TMEM245: variants seen among roughly 807,000 people sequenced by gnomAD.
TMEM245 encodes protein CG-2.
Under a neutral mutation model 101.2 loss-of-function variants are expected in TMEM245, and 69 were observed. The ratio of observed to expected loss-of-function variants is 0.68; its 90% confidence interval spans 0.56 to 0.83. The LOEUF (loss-of-function observed/expected upper bound fraction) is 0.83. Among genes scored for constraint, TMEM245 ranks in the 40% least tolerant of loss-of-function variants. The pLI is 0.00. For missense variants in TMEM245, 1,075 were observed against 1,092.8 expected (o/e 0.98, Z 0.23); for synonymous variants, 537 against 449.8 (o/e 1.19, Z -2.45).
In TMEM245 at chr9:109,091,153, C is replaced by A. The variant is rs1829995251; in HGVS notation, c.919G>T (p.Ala307Ser). The A allele has an allele frequency of 5.0e-6, 8 of 1,612,578 alleles. No homozygotes were observed. Among genetic ancestry groups the A allele is most frequent in the Non-Finnish European group, 6.8e-6 (8 of 1,179,130 alleles). The change falls in exon 5 of 18, where the codon GCA becomes TCA. Residue 307 changes from alanine to serine, a missense_variant and splice_region_variant. Coordinates refer to ENST00000374586, the MANE Select transcript of TMEM245 (RefSeq NM_032012.4). Reference protein sequence around the residue: ...EDQPSTQPAEAVDRGESAPTL... With the variant: ...EDQPSTQPAESVDRGESAPTL... ...GGAGCGGATTCTCCCCTGTCCACTGCTTCTGAAAAGGAAAAGAAAAACACC... is the reference window on the plus strand; with the variant it reads ...GGAGCGGATTCTCCCCTGTCCACTGATTCTGAAAAGGAAAAGAAAAACACC...
chr9:109,025,804 G>A (rs1315526485), intron 17 of TMEM245, among the ~76,000 whole-genome samples: 1 of 152,226 alleles, frequency 6.6e-6, no homozygotes, highest in African/African-American at 2.4e-5. Context: ...CAGAGGAAGT[G>A]AAAGGTTCTG....
At chr9:109,030,878 A>T (rs1050747883) in intron 17 of TMEM245, among the ~76,000 whole-genome samples, 3 of 152,246 alleles carry the variant, frequency 2.0e-5, no homozygotes, top group African/African-American at 7.2e-5. Context: ...ACAAAATATA[A>T]CACTAAAAAC....
chr9:109,057,154 T>G, intron 12 of TMEM245, 37 bp downstream of exon 12: 1 of 1,597,166 alleles, frequency 6.3e-7, no homozygotes, highest in Non-Finnish European at 8.6e-7. Flanking sequence ...TTGTTTTTAT[T>G]TTGAACTTCA....
intron 14 of TMEM245, among the ~76,000 whole-genome samples, chr9:109,049,366 AC>A (rs1252372392): frequency 6.6e-6 from 1 of 151,974 alleles, no homozygotes; most frequent in Non-Finnish European, 1.5e-5. Context: ...CTTTCACACC[AC>A]CATGCCTGGC....
chr9:109,104,907 T>G (rs1036823224), intron 3 of TMEM245, among the ~76,000 whole-genome samples: 1 of 152,120 alleles, frequency 6.6e-6, no homozygotes, highest in African/African-American at 2.4e-5. Flanking sequence ...AATATAAAAT[T>G]CTTAAAAGGA....
chr9:109,091,255 A>C, intron 4 of TMEM245, 100 bp from the exon 5 acceptor site: 2 of 985,394 alleles, frequency 2.0e-6, no homozygotes, highest in Non-Finnish European at 3.0e-6. Context: ...GGCCTTCAAA[A>C]TGTGCTGATA....
chr9:109,096,038 G>C (rs1295600858), intron 3 of TMEM245, among the ~76,000 whole-genome samples: 1 of 152,218 alleles, frequency 6.6e-6, no homozygotes, highest in African/African-American at 2.4e-5. Flanking sequence ...AGTCAAAGCG[G>C]ACCACACTTG....
At position 109,016,470 on chromosome 9, in the gene TMEM245, T is replaced by A. The variant is rs1054643802; in HGVS notation, c.*3990A>T. 1.3e-5 allele frequency: 2 copies of A among 152,214 alleles called. No individual in the cohort carries two copies. The highest frequency in any genetic ancestry group is 4.8e-5 in the African/African-American group (2 of 41,458). The allele number at this position is 152,214 out of a possible 1,614,324, so 9.4% of individuals were successfully genotyped here. On this transcript the variant is annotated 3_prime_UTR_variant, in exon 18 of 18. Coordinates refer to ENST00000374586, the MANE Select transcript of TMEM245 (RefSeq NM_032012.4). The stretch of plus-strand genomic sequence containing the variant: ...TCTGAATTCTGTTACTAACTGGCTG[T>A]ATGTGTATGTCAGACAAGCCACTTA...
At chr9:109,051,923 AC>A (rs1273286484) in intron 12 of TMEM245, among the ~76,000 whole-genome samples, 1 of 152,230 alleles carries the variant, frequency 6.6e-6, no homozygotes, top group African/African-American at 2.4e-5. Flanking sequence ...ACAGACAGGG[AC>A]AAGAGCAGTG....
At chr9:109,103,266 A>G (rs1167038617) in intron 3 of TMEM245, among the ~76,000 whole-genome samples, 1 of 152,242 alleles carries the variant, frequency 6.6e-6, no homozygotes, top group African/African-American at 2.4e-5. Context: ...GCTGCAGGAC[A>G]CAAGATCAAC....
intron 8 of TMEM245, among the ~76,000 whole-genome samples, chr9:109,077,885 G>C (rs1323931356): frequency 6.6e-6 from 1 of 152,088 alleles, no homozygotes; most frequent in African/African-American, 2.4e-5. Flanking sequence ...TATGCTTTTT[G>C]ACTGTTTAGT....
rs1198033449 is a variant in TMEM245, at chr9:109,015,485, G to C, written c.*4975C>G. 1.3e-5 allele frequency: 2 copies of C among 152,432 alleles called. No homozygotes were observed. The highest frequency in any genetic ancestry group is 4.8e-5 in the African/African-American group (2 of 41,438). 9.4% of individuals were successfully genotyped at this position (152,432 alleles called of 1,614,324 possible). ...GGGTTTTCTTTGGGATGGCTACAATGAGAGTTACATCTGCTGGGTCTCTGC... is the reference window on the plus strand; with the variant it reads ...GGGTTTTCTTTGGGATGGCTACAATCAGAGTTACATCTGCTGGGTCTCTGC... On this transcript the variant is annotated 3_prime_UTR_variant, in exon 18 of 18. Transcript: ENST00000374586.
Position 109,036,201 on chromosome 9 carries a change from C to T in TMEM245, c.2399+5G>A. 6.3e-7 allele frequency: 1 copy of T among 1,576,950 alleles called. No individual in the cohort carries two copies. Among genetic ancestry groups the T allele is most frequent in the South Asian group, 1.2e-5 (1 of 84,702 alleles). On this transcript the variant is annotated splice_donor_5th_base_variant and intron_variant, in intron 16 of 17. Coordinates refer to ENST00000374586, the MANE Select transcript of TMEM245 (RefSeq NM_032012.4). ...CACTAATAAGAAATTCTGTGGCTTA[C>T]TTACCCTGATATGTCAGAGTAGATT... is the stretch of plus-strand genomic sequence containing the variant.
chr9:109,086,530 C>T (rs1308008242), intron 6 of TMEM245, among the ~76,000 whole-genome samples: 2 of 152,186 alleles, frequency 1.3e-5, no homozygotes, highest in East Asian at 3.8e-4. Flanking sequence ...TCACTGTGTA[C>T]CAGGCAATAA....
intron 14 of TMEM245, among the ~76,000 whole-genome samples, chr9:109,040,726 A>T (rs187421765): frequency 1.0e-3 from 155 of 152,326 alleles, no homozygotes; most frequent in Admixed American, 1.6e-3. Flanking sequence ...TTCACCTAGC[A>T]TAATGCTTTT....
rs772603515 is a variant in TMEM245 at position 109,119,471 on chromosome 9, A to AGGC, written c.440_442dup (p.Arg147dup). ...GCCGCCGGCGCCGAGCAGCAGGAGCAGGCGGCGGCGGCGCAGCGCCTGCTC... is the reference window on the plus strand; with the variant it reads ...GCCGCCGGCGCCGAGCAGCAGGAGCAGGCGGCGGCGGCGGCGCAGCGCCTGCTC... On this transcript the variant is annotated inframe_insertion, in exon 1 of 18. Transcript: ENST00000374586. The AGGC allele has an allele frequency of 3.6e-5, 53 of 1,490,034 alleles. No homozygotes were observed. Among genetic ancestry groups the AGGC allele is most frequent in the East Asian group, 1.1e-4 (4 of 37,326 alleles). The allele number at this position is 1,490,034 out of a possible 1,614,324, so 92.3% of individuals were successfully genotyped here.
In TMEM245 at chr9:109,060,123, C is replaced by T. The variant is rs115488897; in HGVS notation, c.1722+231G>A. 5.6e-3 allele frequency among the ~76,000 whole-genome samples: 857 copies of T among 152,224 alleles called. 13 individuals are homozygous for T. The highest frequency in any genetic ancestry group is 0.02 in the African/African-American group (817 of 41,532). ...GAGCTAGTCTAGGGGATGAGATGTC[C>T]GTGACAACAGACTGAGGATGGAATA... is the stretch of plus-strand genomic sequence containing the variant. On this transcript the variant is annotated intron_variant, in intron 11 of 17. Coordinates refer to ENST00000374586, the MANE Select transcript of TMEM245 (RefSeq NM_032012.4).
Position 109,108,437 on chromosome 9 carries a change from AAAAGAAG to A in TMEM245, c.697+9_697+15del. On this transcript the variant is annotated intron_variant, in intron 2 of 17. Coordinates refer to ENST00000374586, the MANE Select transcript of TMEM245 (RefSeq NM_032012.4). ...GCTAGACTTAAAAAAAAAAAAAAAA[AAAAGAAG>A]GAACCCACCTAAATGAAAAAGCAAT... The A allele has an allele frequency of 6.9e-7, 1 of 1,452,046 alleles. No homozygotes were observed. Among genetic ancestry groups the A allele is most frequent in the Non-Finnish European group, 9.3e-7 (1 of 1,080,218 alleles). 89.9% of individuals were successfully genotyped at this position (1,452,046 alleles called of 1,614,324 possible).
In TMEM245 at chr9:109,038,005, T is replaced by TA. The variant is rs776984060; in HGVS notation, c.2224+11dup. The TA allele has an allele frequency of 2.8e-5, 44 of 1,583,604 alleles. No individual in the cohort carries two copies. The highest frequency in any genetic ancestry group is 3.6e-5 in the Non-Finnish European group (42 of 1,158,660). On this transcript the variant is annotated intron_variant, in intron 15 of 17. Transcript: ENST00000374586. ...AAATAGCGAATAGTGGAAGGTACAA[T>TA]ATGGTTGTTACCTGATGGTATGAAG...
Sources: gnomAD v4.1 joint callset for allele counts (sites outside exome capture counted in the v4.1 genomes callset) on GRCh38, gnomAD v4.1.1 for gene constraint, MANE v1.5 for transcripts, NCBI Gene and HGNC (gene_info 2026-07-23, HGNC 2026-07-21) for gene names.